VPS54: variants seen among roughly 807,000 people sequenced by gnomAD.
The protein encoded by VPS54 is VPS54 subunit of GARP complex, also known as vacuolar protein sorting-associated protein 54.
In VPS54, 45 loss-of-function variants were observed where a neutral mutation model predicts 121.5. The ratio of observed to expected loss-of-function variants is 0.37; its 90% CI spans 0.29 to 0.47. VPS54 has a LOEUF of 0.47. Among genes scored for constraint, VPS54 ranks in the 20% least tolerant of loss-of-function variants. The pLI, the probability that VPS54 is intolerant of heterozygous loss-of-function variation, is 0.99. For synonymous variants in VPS54, 371 were observed against 385.8 expected (o/e 0.96, Z 0.45); for missense variants, 1,090 against 1,131.4 (o/e 0.96, Z 0.52).
intron 9 of VPS54, 104 bp from the exon 10 acceptor site, chr2:63,944,759 C>T (rs1369732288): frequency 1.6e-5 from 14 of 903,040 alleles, no homozygotes; most frequent in Non-Finnish European, 2.3e-5. Context: ...ACTATATGAA[C>T]AGACACTTTT....
chr2:63,934,959 G>A lies in VPS54; in HGVS notation c.1399-946C>T, dbSNP rs1356408152. On this transcript the variant is annotated intron_variant, in intron 11 of 22. Coordinates refer to ENST00000272322, the MANE Select transcript of VPS54 (RefSeq NM_016516.3). ...CAACTGTTTCTCCCTTTCTCAAAAC[G>A]CTTGGTTAGTTTTTTTGGAATCTAC... 7.9e-5 allele frequency among the ~76,000 whole-genome samples: 12 copies of A among 152,056 alleles called. No homozygotes were observed. In the South Asian group the frequency reaches 1.4e-3, roughly 18 times the overall value.
intron 12 of VPS54, among the ~76,000 whole-genome samples, chr2:63,933,396 G>A (rs1674304765): frequency 6.6e-6 from 1 of 152,050 alleles, no homozygotes; most frequent in African/African-American, 2.4e-5. Flanking sequence ...TAAGCTCTCT[G>A]GGCATCAATT....
chr2:63,908,696 C>T (rs1558983164), intron 20 of VPS54, among the ~76,000 whole-genome samples: 1 of 152,150 alleles, frequency 6.6e-6, no homozygotes, highest in Admixed American at 6.5e-5. Context: ...GTAACAGCAA[C>T]AGCAAAAGCA....
At chr2:64,004,118 A>T (rs531607823) in intron 1 of VPS54, among the ~76,000 whole-genome samples, 2 of 152,332 alleles carry the variant, frequency 1.3e-5, no homozygotes, top group Admixed American at 6.5e-5. Flanking sequence ...ATATTTTTTT[A>T]AAAGTAATAG....
At chr2:63,996,544 G>C (rs1677601126) in intron 1 of VPS54, among the ~76,000 whole-genome samples, 1 of 152,188 alleles carries the variant, frequency 6.6e-6, no homozygotes, top group Non-Finnish European at 1.5e-5. Context: ...ATAACCATTA[G>C]GTCTGACTGC....
At chr2:63,932,534 A>T (rs1005058733) in intron 12 of VPS54, among the ~76,000 whole-genome samples, 1 of 152,108 alleles carries the variant, frequency 6.6e-6, no homozygotes, top group East Asian at 1.9e-4. Context: ...GAGGGATAAC[A>T]TTAGGAGAAA....
chr2:63,972,102 T>C, intron 4 of VPS54, 64 bp downstream of exon 4: 1 of 1,116,920 alleles, frequency 9.0e-7, no homozygotes, highest in Non-Finnish European at 1.2e-6. Context: ...GGTCCCAAAA[T>C]AAAGATTTTG....
chr2:63,927,667 G>A (rs114672991), intron 12 of VPS54, among the ~76,000 whole-genome samples: 3,309 of 152,276 alleles, frequency 0.022, 52 homozygotes, highest in Middle Eastern at 0.031. Flanking sequence ...TGAGTTAGAC[G>A]AGCTGACGGA....
chr2:63,933,920 C>T lies in VPS54; in HGVS notation c.1492G>A (p.Ala498Thr). The change falls in exon 12 of 23, where the codon GCT becomes ACT. Residue 498 changes from alanine (A) to threonine (T), a missense_variant. By Grantham distance (58) the Ala-to-Thr change is moderately conservative. Around this residue, in one of 2 missense-constraint regions of VPS54, gnomAD observed 801 missense variants for 757.0 expected, o/e 1.06. Coordinates refer to ENST00000272322, the MANE Select transcript of VPS54 (RefSeq NM_016516.3). Reference sequence around the variant, plus strand: ...GTGTCCAGTGAATTATCTTTTGCAGCATTCTTCTGTTGTGAAATCTCTTCC... The same window carrying T: ...GTGTCCAGTGAATTATCTTTTGCAGTATTCTTCTGTTGTGAAATCTCTTCC... Reference protein sequence around the residue: ...ELEEISQQKNAAKDNSLDTEV... With the variant: ...ELEEISQQKNTAKDNSLDTEV... 3.1e-6 allele frequency: 5 copies of T among 1,613,714 alleles called. No individual in the cohort carries two copies. The highest frequency in any genetic ancestry group is 3.4e-6 in the Non-Finnish European group (4 of 1,179,802).
chr2:63,939,519 T>A (rs2104502598), intron 11 of VPS54, among the ~76,000 whole-genome samples: 1 of 152,324 alleles, frequency 6.6e-6, no homozygotes, highest in African/African-American at 2.4e-5. Context: ...AGTCTATTCC[T>A]GTAATGTGGT....
chr2:63,949,204 A>G lies in VPS54; in HGVS notation c.1011-41T>C, dbSNP rs745728563. ...AAAATGTTATATTTATATTCACTAA[A>G]AACTACAAATTCGCTCCACAATCAA... On this transcript the variant is annotated intron_variant, in intron 7 of 22. Coordinates refer to ENST00000272322, the MANE Select transcript of VPS54 (RefSeq NM_016516.3). 133 of 1,573,748 alleles carry G rather than the reference A, an allele frequency of 8.5e-5. 2 individuals carry two copies. The East Asian group carries it at 2.8e-3, about 33-fold the overall frequency.
At chr2:63,965,523 A>G (rs781085698) in intron 6 of VPS54, among the ~76,000 whole-genome samples, 2 of 152,204 alleles carry the variant, frequency 1.3e-5, no homozygotes, top group Non-Finnish European at 2.9e-5. Context: ...ATGTAAATAA[A>G]ATATCTGGGA....
At chr2:63,975,069 A>T in intron 3 of VPS54, 1 of 1,540,942 alleles carries the variant, frequency 6.5e-7, no homozygotes, top group Non-Finnish European at 8.8e-7. Flanking sequence ...TTTTTGAGAC[A>T]GAGTCTCACT....
chr2:63,955,130 T>A (rs1309940443), intron 7 of VPS54, among the ~76,000 whole-genome samples: 1 of 151,964 alleles, frequency 6.6e-6, no homozygotes, highest in Non-Finnish European at 1.5e-5. Context: ...ATGTTCAGGG[T>A]TTGTTACAAA....
rs748317589 is a variant in VPS54, at chr2:63,962,039, GCTTA to G, written c.1010+15_1010+18del. ...AAAATTTCTAACATTATTTCTAGTG[GCTTA>G]CTTAATGAACATACCGGAAACTGTG... On this transcript the variant is annotated intron_variant, in intron 7 of 22. Coordinates refer to ENST00000272322, the MANE Select transcript of VPS54 (RefSeq NM_016516.3). 27 of 1,500,110 alleles carry G rather than the reference GCTTA, an allele frequency of 1.8e-5. No homozygotes were observed. In the Middle Eastern group the frequency reaches 5.3e-4, roughly 30 times the overall value. 92.9% of individuals were successfully genotyped at this position (1,500,110 alleles called of 1,614,324 possible). A position where few individuals can be genotyped will look rare whatever the true frequency, so the allele number is the denominator to read the frequency against.
intron 7 of VPS54, among the ~76,000 whole-genome samples, chr2:63,960,898 T>C (rs1393646536): frequency 6.6e-6 from 1 of 152,126 alleles, no homozygotes. Context: ...TATGTACAGG[T>C]ATATTTTTGT....
intron 1 of VPS54, among the ~76,000 whole-genome samples, chr2:63,991,971 C>T (rs1677342015): frequency 6.6e-6 from 1 of 152,160 alleles, no homozygotes; most frequent in African/African-American, 2.4e-5. Flanking sequence ...TTTAATTGTC[C>T]CCACAGGGGT....
intron 1 of VPS54, among the ~76,000 whole-genome samples, chr2:64,009,704 G>T (rs778069454): frequency 2.6e-5 from 4 of 152,062 alleles, no homozygotes; most frequent in African/African-American, 9.7e-5. Context: ...CTACTTTGGC[G>T]CATCATTTTA....
intron 1 of VPS54, among the ~76,000 whole-genome samples, chr2:64,006,911 G>A (rs540004355): frequency 5.3e-5 from 8 of 152,314 alleles, no homozygotes; most frequent in African/African-American, 1.7e-4. Context: ...GAGCCACCAC[G>A]CCCGGCAAAC....
Sources: allele counts gnomAD v4.1 joint callset (sites outside exome capture counted in the v4.1 genomes callset), GRCh38; gene constraint gnomAD v4.1.1; regional missense constraint gnomAD v4.1.1; transcripts MANE v1.5; gene names NCBI Gene and HGNC (gene_info 2026-07-23, HGNC 2026-07-21).